Variants in ACAD11 observed in about 807,000 individuals in gnomAD.
The protein encoded by ACAD11 is acyl-CoA dehydrogenase family member 11.
A neutral mutation model predicts 102.2 loss-of-function variants in ACAD11; 83 were observed. The ratio of observed to expected loss-of-function variants is 0.81; its 90% CI spans 0.68 to 0.97. The LOEUF (loss-of-function observed/expected upper bound fraction) is 0.97. Among genes scored for constraint, ACAD11 ranks in the 50% least tolerant of loss-of-function variants. ACAD11 has a pLI of 0.00. For synonymous variants in ACAD11, 324 were observed against 319.8 expected, an observed-to-expected ratio of 1.01 and a Z score of -0.14; for missense variants, 901 against 951.7, an observed-to-expected ratio of 0.95 and a Z score of 0.70.
At chr3:132,589,422 T>A (rs551072318) in intron 13 of ACAD11, among the ~76,000 whole-genome samples, 2 of 152,350 alleles carry the variant, frequency 1.3e-5, no homozygotes, top group East Asian at 3.9e-4. Context: ...TAATATGCAA[T>A]CATGCTTTGA....
At chr3:132,585,225 C>G (rs914485955) in intron 13 of ACAD11, among the ~76,000 whole-genome samples, 29 of 152,198 alleles carry the variant, frequency 1.9e-4, no homozygotes, top group African/African-American at 6.7e-4. Context: ...ACAAACCTGA[C>G]AAAAACAAGA....
chr3:132,588,421 A>G (rs1937939880), intron 13 of ACAD11, among the ~76,000 whole-genome samples: 1 of 152,208 alleles, frequency 6.6e-6, no homozygotes, highest in Non-Finnish European at 1.5e-5. Context: ...ATTTTTATTC[A>G]TGACAAATAT....
In ACAD11 at chr3:132,642,058, C is replaced by T. The variant is rs766059570; in HGVS notation, c.451G>A (p.Glu151Lys). The change falls in exon 4 of 20, where the codon GAA (glutamate) becomes AAA (lysine). Residue 151 changes from glutamate (E) to lysine (K), a missense_variant. Glu to Lys is a moderately conservative substitution (Grantham distance 56, BLOSUM62 1). Coordinates refer to ENST00000264990, the MANE Select transcript of ACAD11 (RefSeq NM_032169.5). ...AAGGAATGTAACTGAGCCAATGTTT[C>T]TACCGTGGCCACATATATGGCTGAA... ...ERSAIYVATV[E>K]TLAQLHSLNI... 2.5e-6 allele frequency: 4 copies of T among 1,613,980 alleles called. No individual in the cohort carries two copies. Among genetic ancestry groups the T allele is most frequent in the Non-Finnish European group, 3.4e-6 (4 of 1,179,988 alleles).
At chr3:132,626,630 T>A (rs1939823351) in intron 9 of ACAD11, 61 bp downstream of exon 9, 12 of 1,590,712 alleles carry the variant, frequency 7.5e-6, no homozygotes, top group East Asian at 2.2e-5. Flanking sequence ...TAAGCAGAAA[T>A]AACAAAAGTA....
intron 7 of ACAD11, among the ~76,000 whole-genome samples, chr3:132,629,777 AG>A (rs370300207): frequency 6.6e-6 from 1 of 152,266 alleles, no homozygotes; most frequent in African/African-American, 2.4e-5. Context: ...TCTAAACCCT[AG>A]CCCCTTGCTA....
Position 132,631,845 on chromosome 3 carries a change from A to C in ACAD11, c.703-366T>G, listed in dbSNP as rs550722924. On this transcript the variant is annotated intron_variant, in intron 5 of 19. Transcript: ENST00000264990. ...CCATGTTATGCATCATTAAACATTT[A>C]CTTTAGTAATTAATCTAACTGTATA... Among the ~76,000 whole-genome samples, 8 of 152,378 alleles carry C rather than the reference A, an allele frequency of 5.3e-5. No homozygotes were observed. The East Asian group carries it at 1.5e-3, about 29-fold the overall frequency.
In ACAD11 at chr3:132,579,544, T is replaced by G. The variant is rs1937569350; in HGVS notation, c.1636A>C (p.Lys546Gln). Residue 546 changes from lysine (K) to glutamine (Q), a missense_variant, in exon 14 of 20, where the codon AAG becomes CAG. Coordinates refer to ENST00000264990, the MANE Select transcript of ACAD11 (RefSeq NM_032169.5). ...CCCAAAACAATTGCAATTTTGCACT[T>G]GGGATTCCCAGCTCCTAAAACCAAG... ...KWWSSGAGNP[K>Q]CKIAIVLGRT... 1 of 1,612,908 alleles carries G rather than the reference T, an allele frequency of 6.2e-7. No homozygotes were observed. The highest frequency in any genetic ancestry group is 8.5e-7 in the Non-Finnish European group (1 of 1,179,314).
At position 132,561,141 on chromosome 3, in the gene ACAD11, T is replaced by C. The variant is rs750251235; in HGVS notation, c.2078A>G (p.His693Arg). ...KIRLLTLKAA[H>R]SMDTLGSAGA... is the part of the protein sequence containing the mutation. ...AGCACTGCCCAGAGTGTCCATGCTGTGAGCAGCTTTCAGAGTCAACAAGCG... is the reference window on the plus strand; with the variant it reads ...AGCACTGCCCAGAGTGTCCATGCTGCGAGCAGCTTTCAGAGTCAACAAGCG... Residue 693 changes from histidine (H) to arginine (R), a missense_variant, in exon 18 of 20, where the codon CAC becomes CGC. His to Arg is a conservative substitution (Grantham distance 29, BLOSUM62 0). Transcript: ENST00000264990. 3 of 1,613,592 alleles carry C rather than the reference T, an allele frequency of 1.9e-6. No homozygotes were observed. The South Asian group carries it at 3.3e-5, about 18-fold the overall frequency.
intron 13 of ACAD11, among the ~76,000 whole-genome samples, chr3:132,591,421 C>T (rs1010042630): frequency 6.6e-6 from 1 of 152,168 alleles, no homozygotes; most frequent in Admixed American, 6.5e-5. Context: ...TCAAGAACAT[C>T]TGGGTAAATC....
rs1034498159 is a variant in ACAD11 at position 132,558,198 on chromosome 3, T to C, written c.*773A>G. On this transcript the variant is annotated 3_prime_UTR_variant, in exon 20 of 20. Coordinates refer to ENST00000264990, the MANE Select transcript of ACAD11 (RefSeq NM_032169.5). ...TTCAAAAACAATCCTGTCTTCTAAA[T>C]CACAACTTTTCGAGTTACAAGATTT... The C allele has an allele frequency of 6.6e-6, 1 of 152,164 alleles. No homozygotes were observed. The highest frequency in any genetic ancestry group is 1.5e-5 in the Non-Finnish European group (1 of 68,024). 9.4% of individuals were successfully genotyped at this position (152,164 alleles called of 1,614,324 possible).
intron 1 of ACAD11, among the ~76,000 whole-genome samples, chr3:132,655,552 C>T (rs1219589415): frequency 6.6e-6 from 1 of 152,204 alleles, no homozygotes; most frequent in Non-Finnish European, 1.5e-5. Context: ...CACTCTTTTC[C>T]TGGATATTTA....
At chr3:132,636,391 T>C (rs1337160384) in intron 5 of ACAD11, among the ~76,000 whole-genome samples, 3 of 152,234 alleles carry the variant, frequency 2.0e-5, no homozygotes, top group Non-Finnish European at 4.4e-5. Flanking sequence ...ATTCATTTTA[T>C]GTATACTTTT....
intron 17 of ACAD11, among the ~76,000 whole-genome samples, chr3:132,575,331 G>A (rs569531478): frequency 5.3e-5 from 8 of 152,308 alleles, no homozygotes; most frequent in Admixed American, 5.2e-4. Context: ...TGAAGAAGCT[G>A]ATTCCACTTT....
chr3:132,630,347 T>C (rs1939985823), intron 7 of ACAD11, 90 bp downstream of exon 7: 1 of 1,334,770 alleles, frequency 7.5e-7, no homozygotes, highest in African/African-American at 1.5e-5. Flanking sequence ...GATCTAAGGA[T>C]AAAGAATATA....
At chr3:132,654,345 A>G (rs973046742) in intron 1 of ACAD11, 1 of 152,228 alleles carries the variant, frequency 6.6e-6, no homozygotes. Context: ...ATTATGTTTT[A>G]TGATCATAAA....
intron 7 of ACAD11, among the ~76,000 whole-genome samples, chr3:132,628,853 T>C (rs1264250114): frequency 1.3e-5 from 2 of 152,172 alleles, no homozygotes; most frequent in African/African-American, 2.4e-5. Flanking sequence ...TCTAAGAACA[T>C]TTTATCTCAT....
chr3:132,583,528 G>GT (rs1417596156), intron 13 of ACAD11, among the ~76,000 whole-genome samples: 3 of 151,826 alleles, frequency 2.0e-5, no homozygotes, highest in Non-Finnish European at 2.9e-5. Flanking sequence ...TTTTTGAAGG[G>GT]TTTTTTGTGT....
intron 14 of ACAD11, chr3:132,579,185 T>C: frequency 1.2e-6 from 1 of 839,874 alleles, no homozygotes; most frequent in South Asian, 1.9e-5. Context: ...GATCTAAACA[T>C]CTAATCACTT....
At chr3:132,571,193 A>T (rs867253313) in intron 17 of ACAD11, among the ~76,000 whole-genome samples, 2 of 151,976 alleles carry the variant, frequency 1.3e-5, no homozygotes, top group South Asian at 4.1e-4. Context: ...AGCCATTCTG[A>T]CTAGTGTTAG....
Sources: allele counts gnomAD v4.1 joint callset (sites outside exome capture counted in the v4.1 genomes callset), GRCh38; gene constraint gnomAD v4.1.1; transcripts MANE v1.5; gene names NCBI Gene and HGNC (gene_info 2026-07-23, HGNC 2026-07-21).